The following VASH2 variants were observed in gnomAD, a reference collection of about 807,000 sequenced individuals.
VASH2 encodes the protein tubulinyl-Tyr carboxypeptidase 2.
Under a neutral mutation model 37.2 loss-of-function variants are expected in VASH2, and 28 were observed. That is an observed-to-expected ratio of 0.75 (90% CI 0.56 to 1.03). The LOEUF is 1.03. VASH2 is among the 50% of genes least tolerant of loss of function. The pLI, the probability that VASH2 is intolerant of heterozygous loss-of-function variation, is 0.00. For synonymous variants in VASH2, 188 were observed against 174.7 expected, an observed-to-expected ratio of 1.08 and a Z score of -0.60; for missense variants, 419 against 459.1, an observed-to-expected ratio of 0.91 and a Z score of 0.80.
chr1:212,973,034 C>G, intron 6 of VASH2, 73 bp downstream of exon 6: 1 of 1,540,826 alleles, frequency 6.5e-7, no homozygotes, highest in African/African-American at 1.4e-5. Flanking sequence ...TCTCTTGCTC[C>G]AGGCCTCATT....
chr1:212,983,766 C>T (rs532589503), intron 7 of VASH2, among the ~76,000 whole-genome samples: 15 of 152,272 alleles, frequency 9.9e-5, no homozygotes, highest in Admixed American at 4.6e-4. Flanking sequence ...AGACAGGAGA[C>T]AGCATAAGCC....
At chr1:212,965,042 T>C (rs942962984) in intron 3 of VASH2, among the ~76,000 whole-genome samples, 1 of 151,976 alleles carries the variant, frequency 6.6e-6, no homozygotes, top group Non-Finnish European at 1.5e-5. Context: ...TGCCTCAGCC[T>C]CCTGAGTAGC....
chr1:212,971,846 G>T lies in VASH2; in HGVS notation c.498-734G>T, dbSNP rs569144793. ...AGTGCACATCCACAATCTAAGGTTCGTTCTTTCTGTAAGCATTAAACAAGC... is the reference window on the plus strand; with the variant it reads ...AGTGCACATCCACAATCTAAGGTTCTTTCTTTCTGTAAGCATTAAACAAGC... On this transcript the variant is annotated intron_variant, in intron 5 of 7. Transcript: ENST00000517399. This position sits in a 1 kb window ranked among gnomAD's most constrained non-coding sequence, Gnocchi z 4.0. Among the ~76,000 whole-genome samples the T allele has an allele frequency of 6.6e-6, 1 of 151,956 alleles. No individual in the cohort carries two copies. Among genetic ancestry groups the T allele is most frequent in the African/African-American group, 2.4e-5 (1 of 41,336 alleles).
At position 212,989,992 on chromosome 1, in the gene VASH2, CA is replaced by C. The variant is rs1484395277; in HGVS notation, c.*1409del. On this transcript the variant is annotated 3_prime_UTR_variant, in exon 8 of 8. Transcript: ENST00000517399. ...GATTTCAGTGAAGTCTGGTAGTCAA[CA>C]GATGTTATTTCAGTCTCAGTGCATC... The C allele has an allele frequency of 6.6e-6, 1 of 151,620 alleles. No homozygotes were observed. The highest frequency in any genetic ancestry group is 1.5e-5 in the Non-Finnish European group (1 of 67,978). The allele number at this position is 151,620 out of a possible 1,614,324, so 9.4% of individuals were successfully genotyped here. A position where few individuals can be genotyped will look rare whatever the true frequency, so the allele number is the denominator to read the frequency against.
intron 7 of VASH2, among the ~76,000 whole-genome samples, chr1:212,977,304 T>C (rs1667206467): frequency 6.6e-6 from 1 of 152,298 alleles, no homozygotes; most frequent in Admixed American, 6.5e-5. Context: ...GCCTCACCTG[T>C]GTAAGGGGAC....
intron 5 of VASH2, chr1:212,967,393 A>C: frequency 8.4e-7 from 1 of 1,195,224 alleles, no homozygotes; most frequent in Non-Finnish European, 1.1e-6. Flanking sequence ...CAGATAGAAG[A>C]GCAAAGATGC....
Position 212,951,478 on chromosome 1 carries a change from CCG to C in VASH2, c.-63_-62del. Reference sequence around the variant, plus strand: ...CGCCGCGCCCGCGCGCACACGCCCCCCGCCGCCGCCGCCGCTGCCGCCGCCGC... The same window carrying C: ...CGCCGCGCCCGCGCGCACACGCCCCCCCGCCGCCGCCGCTGCCGCCGCCGC... On this transcript the variant is annotated 5_prime_UTR_variant, in exon 2 of 8. Transcript: ENST00000517399. The surrounding 1 kb of genome is among the most constrained non-coding windows in gnomAD (Gnocchi z 4.4). The C allele has an allele frequency of 1.1e-6, 1 of 948,682 alleles. No homozygotes were observed. The highest frequency in any genetic ancestry group is 1.3e-6 in the Non-Finnish European group (1 of 769,636). 58.8% of individuals were successfully genotyped at this position (948,682 alleles called of 1,614,324 possible). A position where few individuals can be genotyped will look rare whatever the true frequency, so the allele number is the denominator to read the frequency against.
intron 7 of VASH2, among the ~76,000 whole-genome samples, chr1:212,983,313 A>T (rs1383639243): frequency 6.6e-6 from 1 of 152,206 alleles, no homozygotes; most frequent in African/African-American, 2.4e-5. Context: ...GTATTGGCCC[A>T]TGGTTCTGGA....
rs1667021340 is a variant in VASH2, at chr1:212,971,877, T to G, written c.498-703T>G. Among the ~76,000 whole-genome samples, 1 of 152,006 alleles carries G rather than the reference T, an allele frequency of 6.6e-6. No individual in the cohort carries two copies. The highest frequency in any genetic ancestry group is 2.1e-4 in the South Asian group (1 of 4,814). ...TCTGTAAGCATTAAACAAGCCCATC[T>G]GTGTACCAGGCCAGTGCTGTGCCCA... On this transcript the variant is annotated intron_variant, in intron 5 of 7. Transcript: ENST00000517399. This position sits in a 1 kb window ranked among gnomAD's most constrained non-coding sequence, Gnocchi z 4.0.
rs907908245 is a variant in VASH2 at position 212,974,065 on chromosome 1, G to A, written c.990G>A (p.Glu330=). The A allele has an allele frequency of 6.2e-7, 1 of 1,611,922 alleles. No homozygotes were observed. The highest frequency in any genetic ancestry group is 1.3e-5 in the African/African-American group (1 of 74,868). Residue 330 remains glutamate, a synonymous_variant, in exon 7 of 8, where the codon GAG becomes GAA. Coordinates refer to ENST00000517399, the MANE Select transcript of VASH2 (RefSeq NM_001301056.2). ...CCCCGAGGAGGCTCGGCCGGCGAGA[G>A]AAGTCGTGAGTAATATTTCCTCTTC... ...ASPPRRLGRR[E]KSPALPEKKV... is the part of the protein sequence containing the mutation.
intron 3 of VASH2, 190 bp downstream of exon 3, chr1:212,961,444 T>A (rs112225810): frequency 3.9e-6 from 5 of 1,288,892 alleles, no homozygotes; most frequent in African/African-American, 3.0e-5. Context: ...AGTGACCCAG[T>A]AGGGCAGGCT....
In VASH2 at chr1:212,988,502, T is replaced by C; in HGVS notation, c.996-10T>C. The stretch of plus-strand genomic sequence containing the variant: ...CTCTCCTCCACCATATTTCTGTCTT[T>C]TACCCTTAGGCCTGCACTGCCTGAA... On this transcript the variant is annotated splice_polypyrimidine_tract_variant and intron_variant, in intron 7 of 7. Coordinates refer to ENST00000517399, the MANE Select transcript of VASH2 (RefSeq NM_001301056.2). 6.2e-7 allele frequency: 1 copy of C among 1,614,000 alleles called. No homozygotes were observed. The highest frequency in any genetic ancestry group is 8.5e-7 in the Non-Finnish European group (1 of 1,179,916).
rs1442799079 is a variant in VASH2, at chr1:212,972,903, T to C, written c.821T>C (p.Met274Thr). The change falls in exon 6 of 8, where the codon ATG becomes ACG. Residue 274 changes from methionine to threonine, a missense_variant. Met to Thr is a moderately conservative substitution (Grantham distance 81). Transcript: ENST00000517399. ...WKQLVLNVSK[M>T]LRADIRKELE... ...CAGCTGGTCCTCAACGTCTCAAAGA[T>C]GCTGAGGGCTGACATAAGGAAGGAG... 2 of 1,614,072 alleles carry C rather than the reference T, an allele frequency of 1.2e-6. No individual in the cohort carries two copies. Among genetic ancestry groups the C allele is most frequent in the African/African-American group, 2.7e-5 (2 of 75,034 alleles).
chr1:212,973,414 G>C (rs1200854832), intron 6 of VASH2: 5 of 1,291,472 alleles, frequency 3.9e-6, no homozygotes, highest in Non-Finnish European at 3.0e-6. Flanking sequence ...GCTTGTCCAT[G>C]TCCCTCCAGG....
At chr1:212,955,909 G>A (rs1393393554) in intron 2 of VASH2, among the ~76,000 whole-genome samples, 1 of 152,338 alleles carries the variant, frequency 6.6e-6, no homozygotes, top group Middle Eastern at 3.4e-3. Context: ...GCCCTTCACA[G>A]GTTCCTGGCT....
chr1:212,973,372 C>CCACA, intron 6 of VASH2: 1 of 1,289,776 alleles, frequency 7.8e-7, no homozygotes, highest in South Asian at 1.2e-5. Context: ...TCTTCTCTCT[C>CCACA]TCAGTTTTAC....
intron 5 of VASH2, among the ~76,000 whole-genome samples, chr1:212,969,522 C>G (rs569190638): frequency 6.7e-6 from 1 of 150,074 alleles, no homozygotes; most frequent in African/African-American, 2.5e-5. Context: ...GACGGAGTCT[C>G]GGTCTGTGAT....
At chr1:212,980,215 T>A (rs1055515342) in intron 7 of VASH2, among the ~76,000 whole-genome samples, 1 of 152,228 alleles carries the variant, frequency 6.6e-6, no homozygotes, top group Admixed American at 6.5e-5. Context: ...TTCATGACTC[T>A]TGGCTTGCTG....
intron 3 of VASH2, 67 bp from the exon 4 acceptor site, chr1:212,965,655 C>T (rs1666818817): frequency 7.1e-7 from 1 of 1,403,958 alleles, no homozygotes; most frequent in South Asian, 1.3e-5. Flanking sequence ...GAATGCATAG[C>T]TTTCTCTGCC....
Sources: allele counts gnomAD v4.1 joint callset (sites outside exome capture counted in the v4.1 genomes callset), GRCh38; gene constraint gnomAD v4.1.1; non-coding constraint Gnocchi (gnomAD v3.1); transcripts MANE v1.5; gene names NCBI Gene and HGNC (gene_info 2026-07-23, HGNC 2026-07-21).